ZNF546: variants seen among roughly 807,000 people sequenced by gnomAD.
The protein encoded by ZNF546 is zinc finger protein 546.
In ZNF546, 60 loss-of-function variants were observed where a neutral mutation model predicts 76.2. The observed-to-expected ratio is 0.79, with a 90% confidence interval of 0.64 to 0.98. The LOEUF (loss-of-function observed/expected upper bound fraction) is 0.98, where lower values mean the gene tolerates loss of function less well. Ranked by LOEUF, ZNF546 falls within the 50% of genes least tolerant of loss-of-function variation. The pLI, the probability that ZNF546 is intolerant of heterozygous loss-of-function variation, is 0.00. For synonymous variants in ZNF546, 277 were observed against 328.1 expected (o/e 0.84, Z 1.68); for missense variants, 936 against 1,035.6 (o/e 0.90, Z 1.32).
intron 5 of ZNF546, among the ~76,000 whole-genome samples, chr19:40,007,886 G>A (rs1232590493): frequency 6.6e-6 from 1 of 152,070 alleles, no homozygotes; most frequent in Non-Finnish European, 1.5e-5. Context: ...CCTGCTTTGC[G>A]GTTGAAAGTT....
chr19:40,014,225 C>T lies in ZNF546; in HGVS notation c.955C>T (p.His319Tyr). ...AFSRVRDLRV[H>Y]QTIHAGERPY... ...TAGTCGTGTTAGAGACCTTAGAGTA[C>T]ATCAGACAATTCATGCTGGAGAGAG... Residue 319 changes from histidine to tyrosine, a missense_variant, in exon 7 of 7, where the codon CAT becomes TAT. Transcript: ENST00000347077. The T allele has an allele frequency of 6.2e-7, 1 of 1,613,462 alleles. No homozygotes were observed. Among genetic ancestry groups the T allele is most frequent in the Non-Finnish European group, 8.5e-7 (1 of 1,179,558 alleles).
Position 40,000,564 on chromosome 19 carries a change from C to T in ZNF546, c.84+2154C>T, listed in dbSNP as rs568957246. On this transcript the variant is annotated intron_variant, in intron 3 of 6. Transcript: ENST00000347077. ...TTGAACCCAGGAGGTTGCAGTGAGCCGAGATAGCACCACTGCCCTCCAGGC... is the reference window on the plus strand; with the variant it reads ...TTGAACCCAGGAGGTTGCAGTGAGCTGAGATAGCACCACTGCCCTCCAGGC... 2.5e-4 allele frequency among the ~76,000 whole-genome samples: 36 copies of T among 145,304 alleles called. No homozygotes were observed. In the South Asian group the frequency reaches 6.0e-3, roughly 24 times the overall value.
intron 3 of ZNF546, 36 bp from the exon 4 acceptor site, chr19:40,006,060 A>G: frequency 6.4e-7 from 1 of 1,570,072 alleles, no homozygotes; most frequent in Non-Finnish European, 8.8e-7. Context: ...GTTTTGACAC[A>G]CATCTGGTCT....
chr19:40,014,774 T>G lies in ZNF546; in HGVS notation c.1504T>G (p.Cys502Gly). ...TGEIPYECKECGKTFSSRYHL... is the reference protein window; with the variant it reads ...TGEIPYECKEGGKTFSSRYHL... Reference sequence around the variant, plus strand: ...TGAGATTCCCTATGAATGTAAGGAATGTGGAAAAACCTTCAGTAGTCGCTA... The same window carrying G: ...TGAGATTCCCTATGAATGTAAGGAAGGTGGAAAAACCTTCAGTAGTCGCTA... The change falls in exon 7 of 7, where the codon TGT (cysteine) becomes GGT (glycine). Residue 502 changes from cysteine to glycine, a missense_variant. Physicochemically the swap from Cys to Gly is radical, Grantham distance 159. Coordinates refer to ENST00000347077, the MANE Select transcript of ZNF546 (RefSeq NM_178544.5). 6.2e-7 allele frequency: 1 copy of G among 1,613,764 alleles called. No individual in the cohort carries two copies. Among genetic ancestry groups the G allele is most frequent in the Non-Finnish European group, 8.5e-7 (1 of 1,180,010 alleles).
rs373735181 is a variant in ZNF546, at chr19:40,015,126, G to T, written c.1856G>T (p.Arg619Leu). 6.2e-7 allele frequency: 1 copy of T among 1,613,712 alleles called. No individual in the cohort carries two copies. Among genetic ancestry groups the T allele is most frequent in the Non-Finnish European group, 8.5e-7 (1 of 1,179,916 alleles). The change falls in exon 7 of 7, where the codon CGA (arginine) becomes CTA (leucine). Residue 619 changes from arginine (R) to leucine (L), a missense_variant. Transcript: ENST00000347077. ...YICNECGKAF[R>L]FQTELTQHHR... Reference sequence around the variant, plus strand: ...TGTAATGAATGTGGGAAAGCCTTTCGATTTCAAACAGAACTTACTCAGCAT... The same window carrying T: ...TGTAATGAATGTGGGAAAGCCTTTCTATTTCAAACAGAACTTACTCAGCAT...
chr19:40,014,885 G>A lies in ZNF546; in HGVS notation c.1615G>A (p.Glu539Lys). The change falls in exon 7 of 7, where the codon GAA becomes AAA. Residue 539 changes from glutamate to lysine, a missense_variant. Glu to Lys is a moderately conservative substitution (Grantham distance 56, BLOSUM62 1). Coordinates refer to ENST00000347077, the MANE Select transcript of ZNF546 (RefSeq NM_178544.5). ...ECGKAFRLQG[E>K]LTRHHRIHTC... ...TGGAAAAGCCTTTCGTCTTCAAGGA[G>A]AACTTACCCGACATCACAGAATTCA... The A allele has an allele frequency of 6.2e-7, 1 of 1,613,306 alleles. No homozygotes were observed. Among genetic ancestry groups the A allele is most frequent in the Non-Finnish European group, 8.5e-7 (1 of 1,179,748 alleles).
At chr19:40,001,055 C>T (rs1419453558) in intron 3 of ZNF546, among the ~76,000 whole-genome samples, 2 of 151,986 alleles carry the variant, frequency 1.3e-5, no homozygotes, top group Admixed American at 1.3e-4. Flanking sequence ...CAGCCTAGAT[C>T]CCTCACATGG....
In ZNF546 at chr19:40,013,659, T is replaced by G. The variant is rs78575652; in HGVS notation, c.395-6T>G. The G allele has an allele frequency of 7.2e-7, 1 of 1,385,826 alleles. No individual in the cohort carries two copies. Among genetic ancestry groups the G allele is most frequent in the Non-Finnish European group, 9.4e-7 (1 of 1,058,752 alleles). The allele number at this position is 1,385,826 out of a possible 1,614,324, so 85.8% of individuals were successfully genotyped here. On this transcript the variant is annotated splice_region_variant and splice_polypyrimidine_tract_variant and intron_variant, in intron 6 of 6. Coordinates refer to ENST00000347077, the MANE Select transcript of ZNF546 (RefSeq NM_178544.5). Reference sequence around the variant, plus strand: ...TCTTTGCTTTTTTTTTTTTTTTTTTTTGCAGATTTGGAATACAAGTATATT... The same window carrying G: ...TCTTTGCTTTTTTTTTTTTTTTTTTGTGCAGATTTGGAATACAAGTATATT...
chr19:40,007,268 T>A lies in ZNF546; in HGVS notation c.172-6T>A, dbSNP rs1244975289. 6 of 1,534,076 alleles carry A rather than the reference T, an allele frequency of 3.9e-6. No individual in the cohort carries two copies. Among genetic ancestry groups the A allele is most frequent in the Non-Finnish European group, 5.3e-6 (6 of 1,139,526 alleles). On this transcript the variant is annotated splice_polypyrimidine_tract_variant and splice_region_variant and intron_variant, in intron 4 of 6. Transcript: ENST00000347077. Reference sequence around the variant, plus strand: ...TTTTTTTTAATACATAGGCTTGTCATTTCAGGTATCTTTGGCATTTAGGGA... The same window carrying A: ...TTTTTTTTAATACATAGGCTTGTCAATTCAGGTATCTTTGGCATTTAGGGA...
chr19:40,011,178 T>C (rs1971666984), intron 6 of ZNF546: 1 of 152,206 alleles, frequency 6.6e-6, no homozygotes, highest in African/African-American at 2.4e-5. Context: ...TCAGTCATAT[T>C]TAAGAAATCT....
At chr19:39,998,626 C>T (rs1971486468) in intron 3 of ZNF546, 2 of 518,680 alleles carry the variant, frequency 3.9e-6, no homozygotes, top group African/African-American at 1.9e-5. Flanking sequence ...GATTGGAAGT[C>T]CAAGCATAGA....
Position 39,998,424 on chromosome 19 carries a change from T to C in ZNF546, c.84+14T>C. 6.2e-7 allele frequency: 1 copy of C among 1,600,074 alleles called. No individual in the cohort carries two copies. Among genetic ancestry groups the C allele is most frequent in the Non-Finnish European group, 8.6e-7 (1 of 1,167,150 alleles). ...CTTTCTATAATGGTAGAGAAATGCA[T>C]ATCCTGGAGTCTAAAGTTAAAACTT... is the stretch of plus-strand genomic sequence containing the variant. On this transcript the variant is annotated intron_variant, in intron 3 of 6. Transcript: ENST00000347077.
Position 40,015,442 on chromosome 19 carries a change from G to C in ZNF546, c.2172G>C (p.Lys724Asn). ...CTGGTGAGCTTCCATATGAATGTAA[G>C]GAATGTGGAAAGACCTTTAGTCGTC... ...IHTGELPYEC[K>N]ECGKTFSRRY... Residue 724 changes from lysine to asparagine, a missense_variant, in exon 7 of 7, where the codon AAG (lysine) becomes AAC (asparagine). By Grantham distance (94) the Lys-to-Asn change is moderately conservative. Coordinates refer to ENST00000347077, the MANE Select transcript of ZNF546 (RefSeq NM_178544.5). 1 of 1,614,020 alleles carries C rather than the reference G, an allele frequency of 6.2e-7. No individual in the cohort carries two copies. Among genetic ancestry groups the C allele is most frequent in the Non-Finnish European group, 8.5e-7 (1 of 1,179,988 alleles).
At chr19:40,008,592 G>A (rs1360445576) in intron 6 of ZNF546, 27 bp downstream of exon 6, 11 of 1,580,466 alleles carry the variant, frequency 7.0e-6, no homozygotes, top group Non-Finnish European at 9.6e-6. Context: ...TAGGCGGGAG[G>A]GTGCTATCAC....
At chr19:40,006,796 G>GT (rs1193613068) in intron 4 of ZNF546, among the ~76,000 whole-genome samples, 4 of 152,170 alleles carry the variant, frequency 2.6e-5, no homozygotes, top group Non-Finnish European at 5.9e-5. Flanking sequence ...TTAGTCTGCT[G>GT]TATCTTTAAG....
rs1971830847 is a variant in ZNF546, at chr19:40,019,785, T to C, written c.*4004T>C. ...AATTAAGCAAAATAATTTGTTTACT[T>C]GGACTGTCCAGGGATAGATCTGTTC... On this transcript the variant is annotated 3_prime_UTR_variant, in exon 7 of 7. Transcript: ENST00000347077. 1 of 152,242 alleles carries C rather than the reference T, an allele frequency of 6.6e-6. No homozygotes were observed. The highest frequency in any genetic ancestry group is 2.4e-5 in the African/African-American group (1 of 41,470). The allele number at this position is 152,242 out of a possible 1,614,324, so 9.4% of individuals were successfully genotyped here. A position where few individuals can be genotyped will look rare whatever the true frequency, so the allele number is the denominator to read the frequency against.
At chr19:40,001,098 A>C (rs551172984) in intron 3 of ZNF546, among the ~76,000 whole-genome samples, 2 of 152,168 alleles carry the variant, frequency 1.3e-5, no homozygotes, top group East Asian at 3.9e-4. Context: ...CTCCTATGAA[A>C]ATCTAATGCT....
rs1161978794 is a variant in ZNF546, at chr19:40,015,005, A to G, written c.1735A>G (p.Ser579Gly). Reference sequence around the variant, plus strand: ...ACACCAGCGAATTCACACCAGTGAGAGCACCTACATATGTAAAGAATGTGG... The same window carrying G: ...ACACCAGCGAATTCACACCAGTGAGGGCACCTACATATGTAAAGAATGTGG... ...ISHQRIHTSE[S>G]TYICKECGKI... The change falls in exon 7 of 7, where the codon AGC becomes GGC. Residue 579 changes from serine (S) to glycine (G), a missense_variant. Ser to Gly is a moderately conservative substitution (Grantham distance 56, BLOSUM62 0). Coordinates refer to ENST00000347077, the MANE Select transcript of ZNF546 (RefSeq NM_178544.5). 6.2e-7 allele frequency: 1 copy of G among 1,614,146 alleles called. No individual in the cohort carries two copies. Among genetic ancestry groups the G allele is most frequent in the Admixed American group, 1.7e-5 (1 of 60,020 alleles).
intron 3 of ZNF546, among the ~76,000 whole-genome samples, chr19:40,003,144 T>C (rs1010209908): frequency 6.6e-6 from 1 of 150,714 alleles, no homozygotes; most frequent in African/African-American, 2.4e-5. Flanking sequence ...CACACCATTC[T>C]CCTACCTCAG....
Sources: allele counts gnomAD v4.1 joint callset (sites outside exome capture counted in the v4.1 genomes callset), GRCh38; gene constraint gnomAD v4.1.1; transcripts MANE v1.5; gene names NCBI Gene and HGNC (gene_info 2026-07-23, HGNC 2026-07-21).